The following PVT1 variants were observed in gnomAD, a reference collection of about 807,000 sequenced individuals.
PVT1 encodes the protein Pvt1 oncogene.
At chr8:127,863,700 GT>G (rs1192326455) in intron 2 of PVT1, among the ~76,000 whole-genome samples, 1 of 152,196 alleles carries the variant, frequency 6.6e-6, no homozygotes, top group Non-Finnish European at 1.5e-5. Flanking sequence ...CATTTGGTAT[GT>G]GTTGCTGCAG....
At chr8:127,981,241 G>T (rs975831714) in intron 3 of PVT1, among the ~76,000 whole-genome samples, 5 of 152,220 alleles carry the variant, frequency 3.3e-5, no homozygotes, top group Non-Finnish European at 7.3e-5. Context: ...AGATTGCTTG[G>T]TCCAACCTCT....
intron 4 of PVT1, among the ~76,000 whole-genome samples, chr8:128,025,023 A>G (rs1050391505): frequency 2.0e-5 from 3 of 152,082 alleles, no homozygotes; most frequent in Non-Finnish European, 4.4e-5. Flanking sequence ...TCTAGACAAC[A>G]CCTCCAAGGA....
intron 4 of PVT1, among the ~76,000 whole-genome samples, chr8:128,033,781 T>C (rs536142418): frequency 6.6e-6 from 1 of 152,282 alleles, no homozygotes; most frequent in East Asian, 1.9e-4. Context: ...CCCTCCTCCT[T>C]TGTTCCCCTT....
At chr8:127,826,990 TTCTC>T (rs1814796150) in intron 2 of PVT1, among the ~76,000 whole-genome samples, 2 of 104,078 alleles carry the variant, frequency 1.9e-5, no homozygotes, top group East Asian at 4.7e-4. Flanking sequence ...TTCTTTCTTT[TTCTC>T]TTTTTTTTTT....
chr8:128,029,079 G>A (rs1366043996), intron 4 of PVT1, among the ~76,000 whole-genome samples: 2 of 151,954 alleles, frequency 1.3e-5, no homozygotes, highest in Non-Finnish European at 2.9e-5. Context: ...CTGGACTCAG[G>A]TAATCCTCCC....
intron 3 of PVT1, among the ~76,000 whole-genome samples, chr8:127,974,065 G>A (rs1289619077): frequency 1.3e-5 from 2 of 152,136 alleles, no homozygotes; most frequent in Non-Finnish European, 2.9e-5. Context: ...TCGAAGGGTG[G>A]GCACTTAAAT....
rs1411192651 is a variant in PVT1, at chr8:128,087,347, A to G, written n.1115-9171A>G. Among the ~76,000 whole-genome samples the G allele has an allele frequency of 3.3e-5, 5 of 152,130 alleles. 1 individual carries two copies. Among genetic ancestry groups the G allele is most frequent in the Admixed American group, 3.3e-4 (5 of 15,278 alleles). On this transcript the variant is annotated intron_variant and non_coding_transcript_variant, in intron 5 of 10. Transcript: ENST00000651587. ...TTAGATGTCTTTTAATTCAGATCTT[A>G]ATTTTCCACTCATTTGTGCCTAGGT...
At chr8:128,001,713 A>C (rs1817179005) in intron 4 of PVT1, among the ~76,000 whole-genome samples, 1 of 152,204 alleles carries the variant, frequency 6.6e-6, no homozygotes, top group South Asian at 2.1e-4. Context: ...TACAAACAAC[A>C]AAAATTTATT....
At chr8:127,952,958 G>T (rs566635791) in intron 3 of PVT1, among the ~76,000 whole-genome samples, 1 of 152,222 alleles carries the variant, frequency 6.6e-6, no homozygotes, top group Non-Finnish European at 1.5e-5. Flanking sequence ...TAGAGACGGG[G>T]TTTCACCATG....
intron 3 of PVT1, among the ~76,000 whole-genome samples, chr8:127,914,471 A>G (rs1179558959): frequency 6.6e-6 from 1 of 152,122 alleles, no homozygotes; most frequent in African/African-American, 2.4e-5. Context: ...GTGTATATCC[A>G]AGAGAGTTGA....
chr8:127,850,176 T>C (rs1815092346), intron 2 of PVT1, among the ~76,000 whole-genome samples: 1 of 152,152 alleles, frequency 6.6e-6, no homozygotes, highest in Non-Finnish European at 1.5e-5. Context: ...AAAGGCCATT[T>C]GAGAGAGTGC....
At chr8:127,885,735 A>G (rs549915511) in intron 2 of PVT1, among the ~76,000 whole-genome samples, 10 of 152,344 alleles carry the variant, frequency 6.6e-5, no homozygotes, top group African/African-American at 2.4e-4. Context: ...GATGTTGTTT[A>G]CCACCATTTT....
intron 2 of PVT1, among the ~76,000 whole-genome samples, chr8:127,886,772 G>A (rs1235785467): frequency 6.6e-6 from 1 of 151,946 alleles, no homozygotes; most frequent in Non-Finnish European, 1.5e-5. Flanking sequence ...CCAGAAACTG[G>A]GTCATCTCAG....
intron 3 of PVT1, among the ~76,000 whole-genome samples, chr8:127,914,942 C>T (rs1815964307): frequency 6.6e-6 from 1 of 151,794 alleles, no homozygotes; most frequent in Non-Finnish European, 1.5e-5. Context: ...TCTCCTGCCT[C>T]AGCCTCCTGA....
At chr8:127,939,076 G>C (rs1277100657) in intron 3 of PVT1, among the ~76,000 whole-genome samples, 2 of 152,224 alleles carry the variant, frequency 1.3e-5, no homozygotes, top group Non-Finnish European at 2.9e-5. Flanking sequence ...GGACCAAGGG[G>C]TCTTCTTGCT....
At chr8:127,856,646 C>T (rs1815163913) in intron 2 of PVT1, among the ~76,000 whole-genome samples, 1 of 152,106 alleles carries the variant, frequency 6.6e-6, no homozygotes, top group Non-Finnish European at 1.5e-5. Flanking sequence ...CAGCCCCAGC[C>T]AGCTATATTA....
At chr8:127,832,240 G>A (rs552310676) in intron 2 of PVT1, among the ~76,000 whole-genome samples, 146 of 152,240 alleles carry the variant, frequency 9.6e-4, no homozygotes, top group Non-Finnish European at 1.5e-3. Flanking sequence ...GGGAGGATCT[G>A]AATGACATCT....
intron 5 of PVT1, among the ~76,000 whole-genome samples, chr8:128,090,145 T>C (rs954700060): frequency 1.3e-5 from 2 of 152,198 alleles, no homozygotes; most frequent in Non-Finnish European, 2.9e-5. Flanking sequence ...GGAGATACTT[T>C]GCAGAGAAAG....
intron 4 of PVT1, among the ~76,000 whole-genome samples, chr8:128,026,932 C>T (rs1813302353): frequency 6.6e-6 from 1 of 152,192 alleles, no homozygotes; most frequent in Non-Finnish European, 1.5e-5. Flanking sequence ...ACTCCCAGGC[C>T]TGTGCACTGA....
Sources: allele counts gnomAD v4.1 joint callset (sites outside exome capture counted in the v4.1 genomes callset), GRCh38; gene constraint gnomAD v4.1.1; transcripts MANE v1.5; gene names NCBI Gene and HGNC (gene_info 2026-07-23, HGNC 2026-07-21).